RALYL: variants seen among roughly 807,000 people sequenced by gnomAD.
RALYL encodes the protein RNA-binding Raly-like protein.
In RALYL, 29 loss-of-function variants were observed where a neutral mutation model predicts 35.1. The observed-to-expected ratio is 0.83, with a 90% CI of 0.61 to 1.13. RALYL has a LOEUF of 1.13. Ranked by LOEUF, RALYL falls within the 50% of genes most tolerant of loss-of-function variation. The pLI, the probability that RALYL is intolerant of heterozygous loss-of-function variation, is 0.00. For synonymous variants in RALYL, 120 were observed against 127.6 expected (o/e 0.94, Z 0.40); for missense variants, 359 against 360.4 (o/e 1.00, Z 0.03).
chr8:84,408,844 A>G (rs886779462), intron 1 of RALYL, among the ~76,000 whole-genome samples: 1 of 152,176 alleles, frequency 6.6e-6, no homozygotes, highest in Non-Finnish European at 1.5e-5. Flanking sequence ...CCTGAAATTT[A>G]AATTTAACTA....
chr8:84,899,390 G>A (rs1297025612), intron 8 of RALYL, among the ~76,000 whole-genome samples: 1 of 151,830 alleles, frequency 6.6e-6, no homozygotes, highest in Non-Finnish European at 1.5e-5. Context: ...TCAGTGTAGT[G>A]CTTAGCATAT....
chr8:84,462,608 T>C (rs1381602950), intron 1 of RALYL, among the ~76,000 whole-genome samples: 1 of 151,344 alleles, frequency 6.6e-6, no homozygotes, highest in Admixed American at 6.6e-5. Flanking sequence ...TTCATTTTTT[T>C]TTTTTTTTGC....
intron 2 of RALYL, among the ~76,000 whole-genome samples, chr8:84,762,849 A>G (rs1813026194): frequency 6.6e-6 from 1 of 152,216 alleles, no homozygotes; most frequent in Admixed American, 6.6e-5. Context: ...TTAATATAGC[A>G]TTATTCCATT....
At chr8:84,375,985 A>G (rs191427195) in intron 1 of RALYL, among the ~76,000 whole-genome samples, 15 of 152,032 alleles carry the variant, frequency 9.9e-5, no homozygotes, top group Admixed American at 9.2e-4. Flanking sequence ...AAGCAAGGTA[A>G]CATTTTCCGA....
chr8:84,781,094 C>G (rs1818041474), intron 3 of RALYL, among the ~76,000 whole-genome samples: 1 of 152,082 alleles, frequency 6.6e-6, no homozygotes, highest in African/African-American at 2.4e-5. Context: ...AACTCCCAAG[C>G]TTAAGCAATC....
At chr8:84,786,615 C>A (rs1441806921) in intron 3 of RALYL, among the ~76,000 whole-genome samples, 4 of 152,192 alleles carry the variant, frequency 2.6e-5, no homozygotes, top group Non-Finnish European at 5.9e-5. Flanking sequence ...TCGCTGGCTG[C>A]ATAAATGTCT....
At chr8:84,870,595 A>G (rs944250741) in intron 6 of RALYL, among the ~76,000 whole-genome samples, 1 of 127,184 alleles carries the variant, frequency 7.9e-6, no homozygotes, top group Admixed American at 7.8e-5. Context: ...ATATATATAT[A>G]TATATGCTCA....
intron 1 of RALYL, among the ~76,000 whole-genome samples, chr8:84,422,184 CT>C (rs2045718314): frequency 1.6e-5 from 2 of 123,410 alleles, no homozygotes; most frequent in South Asian, 6.2e-4. Flanking sequence ...GTCCTGGACT[CT>C]TTTTGGTTGG....
chr8:84,882,840 G>A (rs547654675), intron 7 of RALYL, among the ~76,000 whole-genome samples: 8 of 151,462 alleles, frequency 5.3e-5, no homozygotes, highest in African/African-American at 1.7e-4. Context: ...CGAACTAAAC[G>A]TTACTCATCT....
intron 2 of RALYL, among the ~76,000 whole-genome samples, chr8:84,769,612 T>C (rs904608867): frequency 4.0e-5 from 6 of 151,766 alleles, no homozygotes; most frequent in African/African-American, 1.5e-4. Context: ...AATACAAAAA[T>C]TAGTAGGGCA....
intron 1 of RALYL, among the ~76,000 whole-genome samples, chr8:84,207,585 T>A: frequency 6.6e-6 from 1 of 152,032 alleles, no homozygotes; most frequent in South Asian, 2.1e-4. Context: ...GGGGAGATGT[T>A]GGTCAAAGGT....
intron 2 of RALYL, among the ~76,000 whole-genome samples, chr8:84,575,608 G>A (rs1309934076): frequency 6.6e-6 from 1 of 152,074 alleles, no homozygotes; most frequent in Non-Finnish European, 1.5e-5. Context: ...ATGCACAGGG[G>A]CATAAATGGG....
chr8:84,216,160 G>A (rs1370845277), intron 1 of RALYL, among the ~76,000 whole-genome samples: 1 of 152,030 alleles, frequency 6.6e-6, no homozygotes, highest in African/African-American at 2.4e-5. Context: ...TGAAGATTTT[G>A]CAGGGATTTC....
chr8:84,856,827 G>A (rs907004511), intron 5 of RALYL, among the ~76,000 whole-genome samples: 3 of 151,474 alleles, frequency 2.0e-5, no homozygotes, highest in Admixed American at 6.6e-5. Flanking sequence ...AGGAGATCGA[G>A]ACCATCCTGG....
At chr8:84,509,826 G>A (rs938571619) in intron 1 of RALYL, among the ~76,000 whole-genome samples, 2 of 152,142 alleles carry the variant, frequency 1.3e-5, no homozygotes, top group South Asian at 2.1e-4. Context: ...TCAGTTGACT[G>A]TGTTCATATG....
chr8:84,519,781 AC>A (rs1587937299), intron 1 of RALYL, among the ~76,000 whole-genome samples: 1 of 152,236 alleles, frequency 6.6e-6, no homozygotes, highest in African/African-American at 2.4e-5. Context: ...TTAAAGTGTC[AC>A]TGATTTCTTC....
intron 4 of RALYL, among the ~76,000 whole-genome samples, chr8:84,842,597 A>T (rs1371376906): frequency 6.6e-6 from 1 of 152,206 alleles, no homozygotes; most frequent in Non-Finnish European, 1.5e-5. Context: ...AAAAAGAAGG[A>T]ATCCTCCCTA....
intron 2 of RALYL, among the ~76,000 whole-genome samples, chr8:84,698,188 G>A: frequency 6.6e-6 from 1 of 152,014 alleles, no homozygotes; most frequent in East Asian, 1.9e-4. Flanking sequence ...TTATCTGTAG[G>A]ATGAGGACTC....
At position 84,812,959 on chromosome 8, in the gene RALYL, A is replaced by G. The variant is rs575912524; in HGVS notation, c.365+8157A>G. 1.7e-4 allele frequency among the ~76,000 whole-genome samples: 26 copies of G among 152,218 alleles called. No homozygotes were observed. In the South Asian group the frequency reaches 5.0e-3, roughly 29 times the overall value. ...TTCTTGCCCCTTTCAAGTTGTTACA[A>G]AATTCAGCTGGAGATTTCCTTCTGC... is the stretch of plus-strand genomic sequence containing the variant. On this transcript the variant is annotated intron_variant, in intron 4 of 8. Coordinates refer to ENST00000521268, the MANE Select transcript of RALYL (RefSeq NM_173848.7).
Sources: gnomAD v4.1 joint callset for allele counts (sites outside exome capture counted in the v4.1 genomes callset) on GRCh38, gnomAD v4.1.1 for gene constraint, MANE v1.5 for transcripts, NCBI Gene and HGNC (gene_info 2026-07-23, HGNC 2026-07-21) for gene names.